Variants in L3MBTL2 observed in about 807,000 individuals in gnomAD.
L3MBTL2 encodes L3MBTL histone methyl-lysine binding protein 2, also known as lethal(3)malignant brain tumor-like protein 2.
Under a neutral mutation model 86.4 loss-of-function variants are expected in L3MBTL2, and 49 were observed. The observed-to-expected ratio is 0.57, with a 90% CI of 0.45 to 0.72. The LOEUF is 0.72. Ranked by LOEUF, L3MBTL2 falls within the 30% of genes least tolerant of loss-of-function variation. The pLI, the probability that L3MBTL2 is intolerant of heterozygous loss-of-function variation, is 0.00. For synonymous variants in L3MBTL2, 336 were observed against 350.6 expected (o/e 0.96, Z 0.47); for missense variants, 755 against 923.7 (o/e 0.82, Z 2.37).
chr22:41,226,350 C>T (rs943768321), intron 12 of L3MBTL2, among the ~76,000 whole-genome samples: 2 of 152,198 alleles, frequency 1.3e-5, no homozygotes, highest in Non-Finnish European at 2.9e-5. Context: ...AGAAGTGTAG[C>T]ATTTCAGGGT....
In L3MBTL2 at chr22:41,230,248, C is replaced by T; in HGVS notation, c.2115C>T (p.Asp705=). 2 of 1,612,150 alleles carry T rather than the reference C, an allele frequency of 1.2e-6. No individual in the cohort carries two copies. The highest frequency in any genetic ancestry group is 1.7e-6 in the Non-Finnish European group (2 of 1,178,546). The part of the protein sequence containing the change: ...SVENIKQETD[D] ...AGAACATCAAGCAGGAAACAGACGA[C>T]TGAGCCTTCCTGCCTCCAGCCTGGC... Residue 705 remains aspartate, a synonymous_variant, in exon 17 of 17, where the codon GAC becomes GAT. Coordinates refer to ENST00000216237, the MANE Select transcript of L3MBTL2 (RefSeq NM_031488.5).
intron 3 of L3MBTL2, 28 bp downstream of exon 3, chr22:41,214,054 C>G: frequency 1.2e-6 from 2 of 1,612,492 alleles, no homozygotes; most frequent in Non-Finnish European, 1.7e-6. Context: ...GGATCCTTCC[C>G]GGTGCCTTTG....
intron 15 of L3MBTL2, among the ~76,000 whole-genome samples, chr22:41,229,131 C>T (rs1295429792): frequency 6.6e-6 from 1 of 152,022 alleles, no homozygotes; most frequent in Non-Finnish European, 1.5e-5. Context: ...GTGGCACAGG[C>T]CTGTAGTCCC....
Position 41,205,313 on chromosome 22 carries a change from G to C in L3MBTL2, c.-50G>C. 1 of 1,612,182 alleles carries C rather than the reference G, an allele frequency of 6.2e-7. No homozygotes were observed. Among genetic ancestry groups the C allele is most frequent in the Non-Finnish European group, 8.5e-7 (1 of 1,178,306 alleles). Reference sequence around the variant, plus strand: ...TGCTCTCGCGGAGAGCGACGGGGCAGGCCAATATGGCTTCCTGCACCTGGT... The same window carrying C: ...TGCTCTCGCGGAGAGCGACGGGGCACGCCAATATGGCTTCCTGCACCTGGT... On this transcript the variant is annotated 5_prime_UTR_variant, in exon 1 of 17. Transcript: ENST00000216237.
chr22:41,223,967 T>C, intron 8 of L3MBTL2, 53 bp from the exon 9 acceptor site: 1 of 1,387,546 alleles, frequency 7.2e-7, no homozygotes, highest in Non-Finnish European at 1.0e-6. Context: ...AGCAGGAGGG[T>C]GGGTGGGAAG....
rs961588094 is a variant in L3MBTL2 at position 41,224,285 on chromosome 22, C to T, written c.1174+34C>T. On this transcript the variant is annotated intron_variant, in intron 9 of 16. Coordinates refer to ENST00000216237, the MANE Select transcript of L3MBTL2 (RefSeq NM_031488.5). This position sits in a 1 kb window ranked among gnomAD's most constrained non-coding sequence, Gnocchi z 4.9. ...AGCCCCAGGCCAGAGGGACTGCATG[C>T]TGTGCTTCCCCAGGGACGGAGTGGG... is the stretch of plus-strand genomic sequence containing the variant. The T allele has an allele frequency of 6.4e-7, 1 of 1,551,558 alleles. No individual in the cohort carries two copies. Among genetic ancestry groups the T allele is most frequent in the South Asian group, 1.1e-5 (1 of 88,820 alleles).
chr22:41,221,114 G>T (rs1014512934), intron 7 of L3MBTL2, 85 bp from the exon 8 acceptor site: 3 of 1,284,580 alleles, frequency 2.3e-6, no homozygotes, highest in African/African-American at 3.0e-5. Context: ...CTGCTGAGGG[G>T]TCCCCACTCT....
At chr22:41,216,997 G>C (rs769432220) in intron 4 of L3MBTL2, 126 bp from the exon 5 acceptor site, 1 of 688,196 alleles carries the variant, frequency 1.5e-6, no homozygotes, top group Non-Finnish European at 2.6e-6. Context: ...CGTGGGCAGC[G>C]CTGTGAGAGG....
chr22:41,214,035 C>T lies in L3MBTL2; in HGVS notation c.396+9C>T. The stretch of plus-strand genomic sequence containing the variant: ...TCTTGGCTAGGTTACAGGTGAGAGG[C>T]AATCACTTGGATCCTTCCCGGTGCC... On this transcript the variant is annotated intron_variant, in intron 3 of 16. Coordinates refer to ENST00000216237, the MANE Select transcript of L3MBTL2 (RefSeq NM_031488.5). 1.2e-6 allele frequency: 2 copies of T among 1,613,976 alleles called. No individual in the cohort carries two copies. Among genetic ancestry groups the T allele is most frequent in the Non-Finnish European group, 1.7e-6 (2 of 1,179,892 alleles).
chr22:41,214,332 C>A (rs1449346144), intron 3 of L3MBTL2: 3 of 193,434 alleles, frequency 1.6e-5, no homozygotes, highest in Admixed American at 5.8e-5. Flanking sequence ...TTTTATAAAT[C>A]CTTTCAAAGG....
chr22:41,221,085 CA>C, intron 7 of L3MBTL2, 113 bp from the exon 8 acceptor site: 1 of 988,266 alleles, frequency 1.0e-6, no homozygotes, highest in South Asian at 1.7e-5. Flanking sequence ...CCTGAAGAGG[CA>C]GCTATTTTCA....
chr22:41,228,868 TTGAG>T (rs1312013392), intron 15 of L3MBTL2, among the ~76,000 whole-genome samples: 1 of 141,216 alleles, frequency 7.1e-6, no homozygotes, highest in Non-Finnish European at 1.5e-5. Context: ...AAAAAAAAAA[TTGAG>T]TGAGGGTGTG....
At chr22:41,222,401 CT>C (rs2031889248) in intron 8 of L3MBTL2, among the ~76,000 whole-genome samples, 1 of 152,216 alleles carries the variant, frequency 6.6e-6, no homozygotes, top group African/African-American at 2.4e-5. Flanking sequence ...CTGATTCTGT[CT>C]GGTGTAGGAC....
intron 2 of L3MBTL2, among the ~76,000 whole-genome samples, chr22:41,212,256 A>T (rs923971785): frequency 6.6e-6 from 1 of 152,006 alleles, no homozygotes; most frequent in African/African-American, 2.4e-5. Context: ...TTAGAATCTT[A>T]GGATTTAGAA....
At position 41,224,028 on chromosome 22, in the gene L3MBTL2, G is replaced by A. The variant is rs760058208; in HGVS notation, c.951G>A (p.Glu317=). The change falls in exon 9 of 17, where the codon GAG becomes GAA. Residue 317 remains glutamate, a synonymous_variant. Transcript: ENST00000216237. The surrounding 1 kb of genome is among the most constrained non-coding windows in gnomAD (Gnocchi z 4.9). ...LPVDFHIKMV[E]SMKYPFRQGM... ...TTCTGACGTCGTTTCAGATGGTGGA[G>A]AGCATGAAGTACCCCTTTAGGCAGG... 1.5e-5 allele frequency: 25 copies of A among 1,614,032 alleles called. No individual in the cohort carries two copies. Among genetic ancestry groups the A allele is most frequent in the South Asian group, 6.6e-5 (6 of 91,076 alleles).
chr22:41,209,669 T>C, intron 1 of L3MBTL2, 27 bp from the exon 2 acceptor site: 4 of 1,601,222 alleles, frequency 2.5e-6, no homozygotes, highest in Middle Eastern at 1.7e-4. Context: ...TAATTCTTTC[T>C]ACCTGGTTTG....
rs768463631 is a variant in L3MBTL2, at chr22:41,225,118, G to T, written c.1356+47G>T. On this transcript the variant is annotated intron_variant, in intron 11 of 16. Transcript: ENST00000216237. This position sits in a 1 kb window ranked among gnomAD's most constrained non-coding sequence, Gnocchi z 4.1. ...CAGCCTCCAGATTTCTGAGCGGGGG[G>T]ACCCATGTGGCCCAGAGCTCTAACC... 8 of 1,506,282 alleles carry T rather than the reference G, an allele frequency of 5.3e-6. No homozygotes were observed. The highest frequency in any genetic ancestry group is 1.8e-5 in the Admixed American group (1 of 56,752). The allele number at this position is 1,506,282 out of a possible 1,614,324, so 93.3% of individuals were successfully genotyped here. A position where few individuals can be genotyped will look rare whatever the true frequency, so the allele number is the denominator to read the frequency against.
chr22:41,214,214 T>A (rs981000949), intron 3 of L3MBTL2, 188 bp downstream of exon 3: 3 of 577,484 alleles, frequency 5.2e-6, no homozygotes, highest in Non-Finnish European at 9.1e-6. Context: ...TATAGGTTCC[T>A]GAAGCTACGC....
Position 41,224,142 on chromosome 22 carries a change from C to A in L3MBTL2, c.1065C>A (p.Leu355=). The change falls in exon 9 of 17, where the codon CTC becomes CTA. Residue 355 remains leucine (L), a synonymous_variant. Coordinates refer to ENST00000216237, the MANE Select transcript of L3MBTL2 (RefSeq NM_031488.5). This position sits in a 1 kb window ranked among gnomAD's most constrained non-coding sequence, Gnocchi z 4.9. ...CAGTAATCGGGGGTCGCCTACGGCT[C>A]CTCTACGAGGATGGTGACAGTGACG... ...VDTVIGGRLR[L]LYEDGDSDDD... 1 of 1,613,976 alleles carries A rather than the reference C, an allele frequency of 6.2e-7. No homozygotes were observed. The highest frequency in any genetic ancestry group is 2.2e-5 in the East Asian group (1 of 44,868).
Sources: gnomAD v4.1 joint callset for allele counts (sites outside exome capture counted in the v4.1 genomes callset) on GRCh38, gnomAD v4.1.1 for gene constraint, Gnocchi (gnomAD v3.1) non-coding constraint, MANE v1.5 for transcripts, NCBI Gene and HGNC (gene_info 2026-07-23, HGNC 2026-07-21) for gene names.